Variants in TRHDE observed in about 807,000 individuals in gnomAD.
The protein encoded by TRHDE is thyrotropin releasing hormone degrading enzyme.
In TRHDE, 72 loss-of-function variants were observed where a neutral mutation model predicts 125.7. That is an observed-to-expected ratio of 0.57 (90% CI 0.47 to 0.70). The LOEUF is 0.70. TRHDE is among the 30% of genes least tolerant of loss of function. TRHDE has a pLI of 0.00. For missense variants in TRHDE, 1,110 were observed against 1,327.1 expected, an observed-to-expected ratio of 0.84 and a Z score of 2.54; for synonymous variants, 509 against 509.1, an observed-to-expected ratio of 1.00 and a Z score of 0.00.
chr12:72,271,571 C>T (rs1879211942), upstream of TRHDE, among the ~76,000 whole-genome samples: 1 of 152,094 alleles, frequency 6.6e-6, no homozygotes, highest in African/African-American at 2.4e-5. Context: ...CTCTAATCTC[C>T]CAGTGCCTGC....
upstream of TRHDE, among the ~76,000 whole-genome samples, chr12:72,270,521 A>T (rs2139401499): frequency 6.6e-6 from 1 of 152,282 alleles, no homozygotes; most frequent in East Asian, 1.9e-4. Context: ...TATTTTCAGT[A>T]CTCCAAAGCC....
chr12:72,145,909 G>A (rs1330674659), intron 2 of TRHDE, among the ~76,000 whole-genome samples: 2 of 152,082 alleles, frequency 1.3e-5, no homozygotes, highest in Admixed American at 6.5e-5. Context: ...TTCCTTCATA[G>A]GTTTTGGGAG....
At chr12:72,381,034 T>C (rs908751604) in intron 3 of TRHDE, among the ~76,000 whole-genome samples, 6 of 152,170 alleles carry the variant, frequency 3.9e-5, no homozygotes, top group Non-Finnish European at 7.3e-5. Flanking sequence ...TGATTCCCAA[T>C]TGGGGGACAA....
chr12:72,551,069 A>G (rs1189557709), intron 7 of TRHDE, among the ~76,000 whole-genome samples: 3 of 152,054 alleles, frequency 2.0e-5, no homozygotes, highest in Non-Finnish European at 4.4e-5. Flanking sequence ...GTAACTTTAT[A>G]TAGTTATAAA....
intron 3 of TRHDE, 121 bp downstream of exon 3, chr12:72,378,242 T>A (rs1027920398): frequency 1.9e-6 from 2 of 1,037,770 alleles, no homozygotes; most frequent in Middle Eastern, 3.1e-4. Context: ...TTAGAGAAGA[T>A]AAGCACAAAA....
chr12:72,426,088 A>G (rs948555005), intron 3 of TRHDE, among the ~76,000 whole-genome samples: 2 of 152,256 alleles, frequency 1.3e-5, no homozygotes, highest in Middle Eastern at 6.8e-3. Flanking sequence ...GGAATTATAT[A>G]CAAGTGACAA....
chr12:72,208,333 G>A (rs954530595), intron 2 of TRHDE, among the ~76,000 whole-genome samples: 3 of 152,108 alleles, frequency 2.0e-5, no homozygotes, highest in African/African-American at 4.8e-5. Flanking sequence ...GGAGGAGGAG[G>A]GGCAGGGCAC....
chr12:72,431,642 GT>G (rs112894989), intron 3 of TRHDE: 16,439 of 145,472 alleles, frequency 0.11, 1,215 homozygotes, highest in African/African-American at 0.21. Flanking sequence ...GGAAGAAGAG[GT>G]TTTTTTTTTT....
intron 3 of TRHDE, among the ~76,000 whole-genome samples, chr12:72,384,551 T>G (rs145020819): frequency 1.8e-3 from 273 of 152,242 alleles, no homozygotes; most frequent in African/African-American, 5.9e-3. Flanking sequence ...TTTTACTTCA[T>G]GCCAGACCAA....
At chr12:72,248,545 C>T (rs1055756957) in intron 2 of TRHDE, among the ~76,000 whole-genome samples, 1 of 151,716 alleles carries the variant, frequency 6.6e-6, no homozygotes, top group African/African-American at 2.4e-5. Flanking sequence ...CTGAGACTAA[C>T]CCATTTCAGA....
chr12:72,243,027 C>T (rs1592497325), intron 2 of TRHDE, among the ~76,000 whole-genome samples: 1 of 152,318 alleles, frequency 6.6e-6, no homozygotes, highest in Admixed American at 6.5e-5. Context: ...TCTCTTTCTT[C>T]TACTTCTGAA....
At chr12:72,216,032 T>C (rs1877883586) in intron 2 of TRHDE, among the ~76,000 whole-genome samples, 2 of 152,200 alleles carry the variant, frequency 1.3e-5, no homozygotes, top group South Asian at 4.1e-4. Context: ...TTAGGCAAGT[T>C]AGTCAATGTG....
chr12:72,467,677 T>C (rs879476304), intron 3 of TRHDE, among the ~76,000 whole-genome samples: 4 of 152,016 alleles, frequency 2.6e-5, no homozygotes, highest in Admixed American at 1.3e-4. Context: ...TAGCTGGGCA[T>C]GGTGGCGCGT....
chr12:72,660,860 T>C (rs1302439244), intron 18 of TRHDE, among the ~76,000 whole-genome samples: 1 of 152,190 alleles, frequency 6.6e-6, no homozygotes, highest in African/African-American at 2.4e-5. Context: ...ACTAGAATGC[T>C]AACTGCCTTT....
At chr12:72,512,496 TTATA>T (rs916674490) in intron 6 of TRHDE, among the ~76,000 whole-genome samples, 6 of 138,962 alleles carry the variant, frequency 4.3e-5, no homozygotes, top group Admixed American at 7.7e-5. Context: ...TAATAATATA[TTATA>T]TAGTTATAAT....
chr12:72,317,211 T>C (rs1380097040), intron 2 of TRHDE, among the ~76,000 whole-genome samples: 4 of 152,178 alleles, frequency 2.6e-5, no homozygotes, highest in Non-Finnish European at 4.4e-5. Flanking sequence ...GACTTAAAAT[T>C]CATAGTTTTT....
intron 6 of TRHDE, among the ~76,000 whole-genome samples, chr12:72,519,437 G>A (rs533882521): frequency 1.7e-4 from 26 of 151,986 alleles, no homozygotes; most frequent in Admixed American, 1.0e-3. Context: ...TGATCGCATC[G>A]GCTCCTGAGG....
chr12:72,257,072 A>G (rs1472569258), intron 2 of TRHDE: 1 of 152,046 alleles, frequency 6.6e-6, no homozygotes, highest in Non-Finnish European at 1.5e-5. Context: ...AATTTTTTTT[A>G]TCATCTTTGT....
chr12:72,555,463 A>G (rs1161189318), intron 7 of TRHDE, among the ~76,000 whole-genome samples: 1 of 121,152 alleles, frequency 8.3e-6, no homozygotes, highest in African/African-American at 4.5e-5. Flanking sequence ...ATAATTTAAT[A>G]ATAAAGGTTT....
Sources: allele counts gnomAD v4.1 joint callset (sites outside exome capture counted in the v4.1 genomes callset), GRCh38; gene constraint gnomAD v4.1.1; transcripts MANE v1.5; gene names NCBI Gene and HGNC (gene_info 2026-07-23, HGNC 2026-07-21).